GATAD2B: variants seen among roughly 807,000 people sequenced by gnomAD.
The protein encoded by GATAD2B is GATA zinc finger domain containing 2B.
GATAD2B carries 8 observed loss-of-function variants against 64.3 expected under a neutral mutation model. The observed-to-expected ratio is 0.12, with a 90% confidence interval of 0.07 to 0.22. The LOEUF is 0.22. Among genes scored for constraint, GATAD2B ranks in the 10% least tolerant of loss-of-function variants. GATAD2B has a pLI of 1.00. For missense variants in GATAD2B, 453 were observed against 752.0 expected (o/e 0.60, Z 4.65); for synonymous variants, 281 against 271.3 (o/e 1.04, Z -0.35).
At position 153,816,809 on chromosome 1, in the gene GATAD2B, C is replaced by T. The variant is rs765968894; in HGVS notation, c.901-221G>A. On this transcript the variant is annotated intron_variant, in intron 6 of 10. Coordinates refer to ENST00000368655, the MANE Select transcript of GATAD2B (RefSeq NM_020699.4). The surrounding 1 kb of genome is among the most constrained non-coding windows in gnomAD (Gnocchi z 4.9). ...TGCTAAGAGAGAAATAAAGGCCACG[C>T]GTGGTGGCTCACGCCTATAATCTCA... 1.3e-5 allele frequency among the ~76,000 whole-genome samples: 2 copies of T among 152,190 alleles called. No homozygotes were observed. The highest frequency in any genetic ancestry group is 2.9e-5 in the Non-Finnish European group (2 of 68,024).
rs1674069751 is a variant in GATAD2B, at chr1:153,805,059, C to A, written c.*5118G>T. ...TCAGGGAAGGCCATTCCCCATCCCA[C>A]CTCCCTGCTCCCCACCCCCCAACCC... On this transcript the variant is annotated 3_prime_UTR_variant, in exon 11 of 11. Coordinates refer to ENST00000368655, the MANE Select transcript of GATAD2B (RefSeq NM_020699.4). 1 of 146,394 alleles carries A rather than the reference C, an allele frequency of 6.8e-6. No individual in the cohort carries two copies. Among genetic ancestry groups the A allele is most frequent in the Non-Finnish European group, 1.5e-5 (1 of 66,454 alleles). The allele number at this position is 146,394 out of a possible 1,614,324, so 9.1% of individuals were successfully genotyped here. A position where few individuals can be genotyped will look rare whatever the true frequency, so the allele number is the denominator to read the frequency against.
chr1:153,861,461 A>G (rs1369066262), intron 1 of GATAD2B, among the ~76,000 whole-genome samples: 1 of 151,766 alleles, frequency 6.6e-6, no homozygotes, highest in Non-Finnish European at 1.5e-5. Flanking sequence ...AAAGGTTCTC[A>G]GACATTTCAA....
intron 1 of GATAD2B, among the ~76,000 whole-genome samples, chr1:153,867,265 A>G (rs1036356792): frequency 6.6e-6 from 1 of 152,192 alleles, no homozygotes; most frequent in South Asian, 2.1e-4. Context: ...TGACAGAAAC[A>G]AACAGAACAT....
chr1:153,849,558 C>T (rs561236121), intron 1 of GATAD2B, among the ~76,000 whole-genome samples: 1 of 152,292 alleles, frequency 6.6e-6, no homozygotes, highest in East Asian at 1.9e-4. Flanking sequence ...TTCTTAGTTC[C>T]TCTTTCTCAT....
In GATAD2B at chr1:153,819,695, T is replaced by C. The variant is rs139746825; in HGVS notation, c.376A>G (p.Ile126Val). The stretch of plus-strand genomic sequence containing the variant: ...GAAGCCTCATTGTCAGACAAAACAA[T>C]GATGTCTGGTGAGGGAGTTAGCCTT... ...RGRLTPSPDIIVLSDNEASSP... is the reference protein window; with the variant it reads ...RGRLTPSPDIVVLSDNEASSP... The change falls in exon 3 of 11, where the codon ATT becomes GTT. Residue 126 changes from isoleucine to valine, a missense_variant. By Grantham distance (29) the Ile-to-Val change is conservative. This residue lies in a region of GATAD2B where 293 missense variants were observed against 417.2 expected (regional missense o/e 0.70). Coordinates refer to ENST00000368655, the MANE Select transcript of GATAD2B (RefSeq NM_020699.4). 7 of 1,611,116 alleles carry C rather than the reference T, an allele frequency of 4.3e-6. No homozygotes were observed. Among genetic ancestry groups the C allele is most frequent in the African/African-American group, 1.3e-5 (1 of 74,760 alleles).
chr1:153,882,926 GGAA>G (rs771630566), intron 1 of GATAD2B, among the ~76,000 whole-genome samples: 3 of 152,182 alleles, frequency 2.0e-5, no homozygotes, highest in Non-Finnish European at 2.9e-5. Context: ...AAACCAAAGA[GGAA>G]GAAGGGCAAT....
chr1:153,858,448 T>C (rs1047786466), intron 1 of GATAD2B, among the ~76,000 whole-genome samples: 8 of 151,800 alleles, frequency 5.3e-5, no homozygotes, highest in African/African-American at 9.7e-5. Flanking sequence ...CTACAAAAAA[T>C]AGAAAAATTA....
At chr1:153,843,139 A>AT (rs562919302) in intron 1 of GATAD2B, among the ~76,000 whole-genome samples, 40 of 139,456 alleles carry the variant, frequency 2.9e-4, no homozygotes, top group African/African-American at 5.0e-4. Flanking sequence ...TGTGCCTGGC[A>AT]TTTTTTTTTT....
At chr1:153,838,361 A>C (rs1430434650) in intron 1 of GATAD2B, among the ~76,000 whole-genome samples, 1 of 152,238 alleles carries the variant, frequency 6.6e-6, no homozygotes, top group Admixed American at 6.5e-5. Flanking sequence ...AGATGTGCAT[A>C]TAACAAAAAT....
At chr1:153,850,342 C>T (rs1675845416) in intron 1 of GATAD2B, among the ~76,000 whole-genome samples, 1 of 152,108 alleles carries the variant, frequency 6.6e-6, no homozygotes, top group Non-Finnish European at 1.5e-5. Context: ...CTCTGTTGCC[C>T]AGGCTGCAAT....
intron 2 of GATAD2B, among the ~76,000 whole-genome samples, chr1:153,827,302 C>T (rs567001541): frequency 1.4e-5 from 2 of 147,386 alleles, no homozygotes; most frequent in African/African-American, 5.0e-5. Flanking sequence ...AAAAAAAAAA[C>T]CCCAACTAGG....
At chr1:153,891,175 C>A (rs1327216148) in intron 1 of GATAD2B, among the ~76,000 whole-genome samples, 1 of 144,448 alleles carries the variant, frequency 6.9e-6, no homozygotes, top group South Asian at 2.2e-4. Flanking sequence ...CAGCGAGATT[C>A]CGCCTCAAAG....
chr1:153,860,172 C>A (rs1446745922), intron 1 of GATAD2B, among the ~76,000 whole-genome samples: 1 of 151,954 alleles, frequency 6.6e-6, no homozygotes, highest in Non-Finnish European at 1.5e-5. Flanking sequence ...GCCTTGGCCT[C>A]CCAAAGTGCT....
At chr1:153,882,656 T>C (rs2101941019) in intron 1 of GATAD2B, among the ~76,000 whole-genome samples, 1 of 152,354 alleles carries the variant, frequency 6.6e-6, no homozygotes, top group South Asian at 2.1e-4. Flanking sequence ...TGCAATATTA[T>C]TCCACTTTCC....
At chr1:153,821,509 G>T (rs1488052300) in intron 2 of GATAD2B, among the ~76,000 whole-genome samples, 1 of 152,166 alleles carries the variant, frequency 6.6e-6, no homozygotes, top group African/African-American at 2.4e-5. Context: ...ACTAGAGGGA[G>T]AAAAGAGCCT....
In GATAD2B at chr1:153,828,066, C is replaced by G. The variant is rs762382160; in HGVS notation, c.282G>C (p.Arg94Ser). 1.9e-6 allele frequency: 3 copies of G among 1,614,164 alleles called. No individual in the cohort carries two copies. The highest frequency in any genetic ancestry group is 2.5e-6 in the Non-Finnish European group (3 of 1,180,040). ...RPHGDNRTAG[R>S]PGKENINDEP... ...CATCATTGATGTTTTCTTTGCCTGG[C>G]CTTCCAGCAGTCCTGTTGTCTCCAT... The change falls in exon 2 of 11, where the codon AGG becomes AGC. Residue 94 changes from arginine (R) to serine (S), a missense_variant. By Grantham distance (110) the Arg-to-Ser change is moderately radical. Coordinates refer to ENST00000368655, the MANE Select transcript of GATAD2B (RefSeq NM_020699.4).
intron 1 of GATAD2B, among the ~76,000 whole-genome samples, chr1:153,876,227 CAAAAAAAAAAAAAAAAAA>C (rs71093296): frequency 5.8e-4 from 28 of 48,430 alleles, no homozygotes; most frequent in East Asian, 8.3e-4. Context: ...GACTTCGTCT[CAAAAAAAAAAAAAAAAAA>C]AAAAAAAAAA....
intron 1 of GATAD2B, among the ~76,000 whole-genome samples, chr1:153,845,945 C>A (rs1215392010): frequency 1.1e-3 from 6 of 5,218 alleles, no homozygotes; most frequent in Admixed American, 6.2e-3. Context: ...TAAACTACCG[C>A]CCCCCCCCCG....
intron 1 of GATAD2B, among the ~76,000 whole-genome samples, chr1:153,844,670 C>T (rs1675618470): frequency 6.8e-6 from 1 of 146,914 alleles, no homozygotes; most frequent in South Asian, 2.2e-4. Flanking sequence ...GAACAAAAAA[C>T]CAAACACCGT....
Sources: allele counts gnomAD v4.1 joint callset (sites outside exome capture counted in the v4.1 genomes callset), GRCh38; gene constraint gnomAD v4.1.1; regional missense constraint gnomAD v4.1.1; non-coding constraint Gnocchi (gnomAD v3.1); transcripts MANE v1.5; gene names NCBI Gene and HGNC (gene_info 2026-07-23, HGNC 2026-07-21).